SHISA9: variants seen among roughly 807,000 people sequenced by gnomAD.
The protein encoded by SHISA9 is shisa family member 9, also known as protein shisa-9.
SHISA9 carries 13 observed loss-of-function variants against 38.0 expected under a neutral mutation model. That is an observed-to-expected ratio of 0.34 (90% CI 0.22 to 0.54). The LOEUF is 0.54. Ranked by LOEUF, SHISA9 falls within the 20% of genes least tolerant of loss-of-function variation. The pLI, the probability that SHISA9 is intolerant of heterozygous loss-of-function variation, is 0.91. For missense variants in SHISA9, 538 were observed against 575.8 expected (o/e 0.93, Z 0.67); for synonymous variants, 275 against 242.0 (o/e 1.14, Z -1.27).
chr16:13,169,204 T>C (rs919941876), intron 2 of SHISA9, among the ~76,000 whole-genome samples: 3 of 152,210 alleles, frequency 2.0e-5, no homozygotes, highest in Non-Finnish European at 4.4e-5. Flanking sequence ...GAAGGTCAGT[T>C]GCAGTGCAGC....
intron 2 of SHISA9, among the ~76,000 whole-genome samples, chr16:12,926,797 GA>G (rs778211570): frequency 2.0e-5 from 3 of 152,176 alleles, no homozygotes; most frequent in Non-Finnish European, 4.4e-5. Context: ...TCAGAGTGAA[GA>G]AAAGCAGAAC....
At chr16:13,448,869 G>A in the SHISA9 span, among the ~76,000 whole-genome samples, 1,170 of 152,326 alleles carry the variant, frequency 7.7e-3, 5 homozygotes, top group Non-Finnish European at 0.011. Context: ...CAGGTGATAA[G>A]AGTGTAAATC....
the SHISA9 span, among the ~76,000 whole-genome samples, chr16:13,427,966 A>T: frequency 6.6e-6 from 1 of 152,228 alleles, no homozygotes; most frequent in Non-Finnish European, 1.5e-5. Context: ...AATGATTTCC[A>T]GAAGTGTATA....
At chr16:13,220,655 A>G (rs1467274688) in intron 4 of SHISA9, among the ~76,000 whole-genome samples, 1 of 152,186 alleles carries the variant, frequency 6.6e-6, no homozygotes, top group Non-Finnish European at 1.5e-5. Context: ...AGACCATGCA[A>G]TGAATTTCTG....
chr16:12,980,169 C>G (rs563012667), intron 2 of SHISA9, among the ~76,000 whole-genome samples: 1 of 152,184 alleles, frequency 6.6e-6, no homozygotes, highest in Non-Finnish European at 1.5e-5. Flanking sequence ...AAGACAGCGT[C>G]AAACTTTACC....
chr16:13,372,840 TA>T, the SHISA9 span, among the ~76,000 whole-genome samples: 1 of 152,044 alleles, frequency 6.6e-6, no homozygotes, highest in African/African-American at 2.4e-5. Flanking sequence ...CTTTTTTTTT[TA>T]AACCATCCCT....
intron 2 of SHISA9, among the ~76,000 whole-genome samples, chr16:13,054,646 G>T (rs1482623917): frequency 2.0e-5 from 3 of 152,190 alleles, no homozygotes; most frequent in African/African-American, 7.2e-5. Context: ...TCTTGAGATG[G>T]TTGATAAAAA....
the SHISA9 span, among the ~76,000 whole-genome samples, chr16:13,373,319 C>G: frequency 6.6e-6 from 1 of 152,308 alleles, no homozygotes; most frequent in South Asian, 2.1e-4. Context: ...GTAGTATGCT[C>G]TATCTACAAA....
At chr16:13,179,147 C>G (rs1417516815) in intron 2 of SHISA9, among the ~76,000 whole-genome samples, 2 of 152,068 alleles carry the variant, frequency 1.3e-5, no homozygotes, top group African/African-American at 2.4e-5. Context: ...AAAACCCTGC[C>G]TCTACTAAAA....
At chr16:13,468,905 C>T in the SHISA9 span, among the ~76,000 whole-genome samples, 20 of 151,030 alleles carry the variant, frequency 1.3e-4, no homozygotes, top group African/African-American at 3.7e-4. Flanking sequence ...GTATATAAAA[C>T]ACATATATAA....
At chr16:13,330,118 A>G in the SHISA9 span, among the ~76,000 whole-genome samples, 1 of 152,252 alleles carries the variant, frequency 6.6e-6, no homozygotes, top group Non-Finnish European at 1.5e-5. Context: ...GGGAATGACT[A>G]TATGGCCGAG....
At chr16:13,187,341 T>TTCTTTTC (rs2050836418) in intron 2 of SHISA9, among the ~76,000 whole-genome samples, 1 of 145,744 alleles carries the variant, frequency 6.9e-6, no homozygotes, top group African/African-American at 2.5e-5. Flanking sequence ...TTTTTTTTTT[T>TTCTTTTC]TTTTTTTTTT....
chr16:13,131,846 A>G (rs183720507), intron 2 of SHISA9, among the ~76,000 whole-genome samples: 112 of 152,278 alleles, frequency 7.4e-4, no homozygotes, highest in African/African-American at 2.6e-3. Flanking sequence ...TTGCTTCCTA[A>G]GATAATGTTC....
intron 2 of SHISA9, among the ~76,000 whole-genome samples, chr16:13,058,888 A>T (rs377617363): frequency 4.6e-5 from 7 of 152,106 alleles, no homozygotes; most frequent in African/African-American, 1.7e-4. Context: ...CAGCAAGGGG[A>T]AGTACATAAT....
At chr16:13,018,901 A>G (rs1461185750) in intron 2 of SHISA9, among the ~76,000 whole-genome samples, 2 of 152,212 alleles carry the variant, frequency 1.3e-5, no homozygotes, top group Non-Finnish European at 2.9e-5. Context: ...GAAAGCCTTG[A>G]CCTACAAAGT....
chr16:13,155,300 C>T (rs567204005), intron 2 of SHISA9, among the ~76,000 whole-genome samples: 3 of 152,038 alleles, frequency 2.0e-5, no homozygotes, highest in Admixed American at 6.5e-5. Context: ...CAGAATGGAA[C>T]GAATTGGATG....
chr16:13,174,371 C>T (rs1483139807), intron 2 of SHISA9, among the ~76,000 whole-genome samples: 1 of 152,150 alleles, frequency 6.6e-6, no homozygotes, highest in African/African-American at 2.4e-5. Context: ...GATCAGTTCA[C>T]AGAAGCTCCC....
At chr16:13,255,297 T>C in the SHISA9 span, among the ~76,000 whole-genome samples, 1 of 152,192 alleles carries the variant, frequency 6.6e-6, no homozygotes, top group Non-Finnish European at 1.5e-5. Flanking sequence ...TCTTTCTTCC[T>C]TTTTGTTTCA....
intron 2 of SHISA9, among the ~76,000 whole-genome samples, chr16:12,959,020 C>G (rs756366364): frequency 6.6e-6 from 1 of 152,138 alleles, no homozygotes; most frequent in African/African-American, 2.4e-5. Context: ...AGAAAGGAAG[C>G]CTTGGGCAAA....
Sources: allele counts gnomAD v4.1 joint callset (sites outside exome capture counted in the v4.1 genomes callset), GRCh38; gene constraint gnomAD v4.1.1; transcripts MANE v1.5; gene names NCBI Gene and HGNC (gene_info 2026-07-23, HGNC 2026-07-21).